The following HIVEP2 variants were observed in gnomAD, a reference collection of about 807,000 sequenced individuals.
HIVEP2 encodes transcription factor HIVEP2.
Under a neutral mutation model 180.7 loss-of-function variants are expected in HIVEP2, and 14 were observed. That is an observed-to-expected ratio of 0.08 (90% CI 0.05 to 0.12). The LOEUF is 0.12. Among genes scored for constraint, HIVEP2 ranks in the 10% least tolerant of loss-of-function variants. The pLI is 1.00. For synonymous variants in HIVEP2, 1,184 were observed against 1,136.4 expected (o/e 1.04, Z -0.84); for missense variants, 2,579 against 3,008.5 (o/e 0.86, Z 3.34).
chr6:142,919,562 G>A (rs1777640560), intron 1 of HIVEP2, among the ~76,000 whole-genome samples: 1 of 152,088 alleles, frequency 6.6e-6, no homozygotes, highest in African/African-American at 2.4e-5. Context: ...GGAAACACAT[G>A]TCACAATGCA....
intron 5 of HIVEP2, among the ~76,000 whole-genome samples, chr6:142,769,126 G>T (rs540385686): frequency 6.6e-6 from 1 of 152,312 alleles, no homozygotes; most frequent in Non-Finnish European, 1.5e-5. Context: ...CATTTGCAAA[G>T]CTCGGTCCTC....
intron 1 of HIVEP2, among the ~76,000 whole-genome samples, chr6:142,944,006 C>T (rs1010261692): frequency 6.6e-6 from 1 of 152,166 alleles, no homozygotes; most frequent in South Asian, 2.1e-4. Flanking sequence ...TAAAGTGCCC[C>T]CGTTCCCTTG....
intron 1 of HIVEP2, among the ~76,000 whole-genome samples, chr6:142,896,123 A>G (rs570485660): frequency 2.5e-4 from 38 of 152,182 alleles, no homozygotes; most frequent in Non-Finnish European, 5.0e-4. Context: ...TTGTCCATAA[A>G]ACCTGACAGG....
chr6:142,882,430 G>A (rs1776595865), intron 1 of HIVEP2, among the ~76,000 whole-genome samples: 1 of 151,998 alleles, frequency 6.6e-6, no homozygotes. Flanking sequence ...GGCCAACACA[G>A]TGAGATCCTG....
chr6:142,769,722 A>G lies in HIVEP2; in HGVS notation c.5017T>C (p.Trp1673Arg), dbSNP rs1265706283. The part of the protein sequence containing the change: ...ATFKSSVYAS[W>R]CISSCNPNPS... The stretch of plus-strand genomic sequence containing the variant: ...TTTGGATTACAGGAACTAATGCACC[A>G]TGAAGCATAAACCGAGGATTTGAAG... The change falls in exon 5 of 10, where the codon TGG (tryptophan) becomes CGG (arginine). Residue 1673 changes from tryptophan (W) to arginine (R), a missense_variant. Trp to Arg is a moderately radical substitution (Grantham distance 101, BLOSUM62 -3). Around this residue, in one of 11 missense-constraint regions of HIVEP2, gnomAD observed 349 missense variants for 367.2 expected, o/e 0.95. Coordinates refer to ENST00000367603, the MANE Select transcript of HIVEP2 (RefSeq NM_006734.4). 1.2e-6 allele frequency: 2 copies of G among 1,614,136 alleles called. No individual in the cohort carries two copies. Among genetic ancestry groups the G allele is most frequent in the East Asian group, 2.2e-5 (1 of 44,902 alleles).
At chr6:142,859,329 C>A (rs1775908260) in intron 1 of HIVEP2, among the ~76,000 whole-genome samples, 1 of 151,780 alleles carries the variant, frequency 6.6e-6, no homozygotes, top group African/African-American at 2.4e-5. Flanking sequence ...TGTGTGATGG[C>A]ACATGCCTGT....
rs1038083123 is a variant in HIVEP2, at chr6:142,769,487, A to C, written c.5187+65T>G. ...TTTTTTTTTAGGCCTTATATCCTTC[A>C]CTATGTAGTCTGCTCAGCAATCAAA... On this transcript the variant is annotated intron_variant, in intron 5 of 9. Transcript: ENST00000367603. The C allele has an allele frequency of 7.2e-5, 99 of 1,383,618 alleles. 1 individual carries two copies. In the Admixed American group the frequency reaches 1.8e-3, roughly 25 times the overall value. The allele number at this position is 1,383,618 out of a possible 1,614,324, so 85.7% of individuals were successfully genotyped here. A position where few individuals can be genotyped will look rare whatever the true frequency, so the allele number is the denominator to read the frequency against.
chr6:142,839,379 G>T (rs1267423900), intron 1 of HIVEP2, among the ~76,000 whole-genome samples: 1 of 151,974 alleles, frequency 6.6e-6, no homozygotes, highest in Non-Finnish European at 1.5e-5. Flanking sequence ...ACCAACCTGG[G>T]CAGGGGTTGG....
In HIVEP2 at chr6:142,760,068, T is replaced by G; in HGVS notation, c.6220A>C (p.Arg2074=). The change falls in exon 9 of 10, where the codon AGA becomes CGA. Residue 2074 remains arginine, a synonymous_variant. Coordinates refer to ENST00000367603, the MANE Select transcript of HIVEP2 (RefSeq NM_006734.4). ...LIPKGDLSPR[R]HLSPRRDLSP... ...AGATCTCTCCTAGGTGATAAATGTCTCCTGGGAGATAAATCTCCTTTGGGT... is the reference window on the plus strand; with the variant it reads ...AGATCTCTCCTAGGTGATAAATGTCGCCTGGGAGATAAATCTCCTTTGGGT... 1 of 1,613,896 alleles carries G rather than the reference T, an allele frequency of 6.2e-7. No individual in the cohort carries two copies. Among genetic ancestry groups the G allele is most frequent in the Non-Finnish European group, 8.5e-7 (1 of 1,179,746 alleles).
chr6:142,933,949 G>A (rs560517991), intron 1 of HIVEP2, among the ~76,000 whole-genome samples: 2 of 152,120 alleles, frequency 1.3e-5, no homozygotes, highest in South Asian at 4.2e-4. Flanking sequence ...TTTGAATGTG[G>A]GTATAACTCT....
intron 1 of HIVEP2, among the ~76,000 whole-genome samples, chr6:142,855,757 G>T (rs1294126615): frequency 6.6e-6 from 1 of 152,186 alleles, no homozygotes; most frequent in Non-Finnish European, 1.5e-5. Flanking sequence ...AAAAGGAAGA[G>T]TGTCAACGTT....
chr6:142,927,160 G>A (rs574591451), intron 1 of HIVEP2, among the ~76,000 whole-genome samples: 1 of 152,196 alleles, frequency 6.6e-6, no homozygotes, highest in African/African-American at 2.4e-5. Flanking sequence ...AACCGAGCTC[G>A]CAAGCCCAGC....
chr6:142,771,526 C>A lies in HIVEP2; in HGVS notation c.3213G>T (p.Pro1071=), dbSNP rs201528029. The A allele has an allele frequency of 1.2e-6, 2 of 1,613,850 alleles. No homozygotes were observed. The highest frequency in any genetic ancestry group is 8.5e-7 in the Non-Finnish European group (1 of 1,180,040). ...VSGAAASTVS[P]SRERKKCFLV... ...GAAAGCATTTCTTCCTCTCCCTGGA[C>A]GGTGATACCGTGGAGGCTGCTGCTC... The change falls in exon 5 of 10, where the codon CCG becomes CCT. Residue 1071 remains proline (P), a synonymous_variant. Coordinates refer to ENST00000367603, the MANE Select transcript of HIVEP2 (RefSeq NM_006734.4). The surrounding 1 kb of genome is among the most constrained non-coding windows in gnomAD (Gnocchi z 5.4).
chr6:142,938,887 G>C (rs983314325), intron 1 of HIVEP2, among the ~76,000 whole-genome samples: 1 of 152,134 alleles, frequency 6.6e-6, no homozygotes, highest in African/African-American at 2.4e-5. Flanking sequence ...TATCTGTCCA[G>C]TATTGTAATG....
intron 1 of HIVEP2, among the ~76,000 whole-genome samples, chr6:142,928,891 G>C (rs377656605): frequency 2.0e-5 from 3 of 152,270 alleles, no homozygotes; most frequent in East Asian, 3.9e-4. Flanking sequence ...AGTGCTGAGA[G>C]GGGCCTGCAA....
In HIVEP2 at chr6:142,753,653, G is replaced by T; in HGVS notation, c.6795C>A (p.Gly2265=). The T allele has an allele frequency of 3.1e-6, 5 of 1,614,130 alleles. No homozygotes were observed. Among genetic ancestry groups the T allele is most frequent in the African/African-American group, 1.3e-5 (1 of 75,016 alleles). ...CCTTGGAGAAGGACTCCCCTGACGC[G>T]CCTTTCTTCTCCTCAAAGCCCTCCA... is the stretch of plus-strand genomic sequence containing the variant. ...LPMEGFEEKK[G]ASGESFSKDP... is the part of the protein sequence containing the mutation. Residue 2265 remains glycine, a synonymous_variant, in exon 10 of 10, where the codon GGC becomes GGA. Coordinates refer to ENST00000367603, the MANE Select transcript of HIVEP2 (RefSeq NM_006734.4).
Position 142,861,965 on chromosome 6 carries a change from T to A in HIVEP2, c.-640-24918A>T, listed in dbSNP as rs1479759444. ...GCTTGAGGGCTACTGATTGCTGTAA[T>A]AATTAAAACCAACAACAATGACAAA... is the stretch of plus-strand genomic sequence containing the variant. On this transcript the variant is annotated intron_variant, in intron 1 of 9. Coordinates refer to ENST00000367603, the MANE Select transcript of HIVEP2 (RefSeq NM_006734.4). Among the ~76,000 whole-genome samples, 3 of 152,188 alleles carry A rather than the reference T, an allele frequency of 2.0e-5. No individual in the cohort carries two copies. In the East Asian group the frequency reaches 5.8e-4, roughly 29 times the overall value.
intron 2 of HIVEP2, among the ~76,000 whole-genome samples, chr6:142,805,624 A>G (rs919277008): frequency 1.3e-5 from 2 of 152,038 alleles, no homozygotes; most frequent in Non-Finnish European, 2.9e-5. Context: ...AGAAAATAGC[A>G]TATGGGAACA....
intron 1 of HIVEP2, among the ~76,000 whole-genome samples, chr6:142,938,791 C>CT (rs1425556486): frequency 6.6e-6 from 1 of 152,158 alleles, no homozygotes; most frequent in Admixed American, 6.5e-5. Context: ...CGATGATCTG[C>CT]TTTTTTTCTT....
Sources: gnomAD v4.1 joint callset for allele counts (sites outside exome capture counted in the v4.1 genomes callset) on GRCh38, gnomAD v4.1.1 for gene constraint, gnomAD v4.1.1 regional missense constraint, Gnocchi (gnomAD v3.1) non-coding constraint, MANE v1.5 for transcripts, NCBI Gene and HGNC (gene_info 2026-07-23, HGNC 2026-07-21) for gene names.